TNRC6C: variants seen among roughly 807,000 people sequenced by gnomAD.
The protein encoded by TNRC6C is trinucleotide repeat-containing gene 6C protein.
TNRC6C carries 20 observed loss-of-function variants against 153.7 expected under a neutral mutation model. The observed-to-expected ratio is 0.13, with a 90% CI of 0.09 to 0.19. The LOEUF is 0.19. Ranked by LOEUF, TNRC6C falls within the 10% of genes least tolerant of loss-of-function variation. The pLI, the probability that TNRC6C is intolerant of heterozygous loss-of-function variation, is 1.00. For synonymous variants in TNRC6C, 811 were observed against 841.4 expected, an observed-to-expected ratio of 0.96 and a Z score of 0.63; for missense variants, 1,987 against 2,172.0, an observed-to-expected ratio of 0.91 and a Z score of 1.69.
intron 1 of TNRC6C, among the ~76,000 whole-genome samples, chr17:77,966,815 G>C (rs1443518829): frequency 1.3e-5 from 2 of 152,140 alleles, no homozygotes; most frequent in Non-Finnish European, 2.9e-5. Flanking sequence ...TCTTGACCTA[G>C]ATCTTATATA....
chr17:78,082,248 T>C (rs1319491939), intron 10 of TNRC6C, among the ~76,000 whole-genome samples: 1 of 151,276 alleles, frequency 6.6e-6, no homozygotes, highest in Non-Finnish European at 1.5e-5. Flanking sequence ...CCGGCATTTA[T>C]TACTAAGTTT....
At position 78,095,234 on chromosome 17, in the gene TNRC6C, C is replaced by T. The variant is rs569235270; in HGVS notation, c.4306+1471C>T. 5.9e-5 allele frequency among the ~76,000 whole-genome samples: 9 copies of T among 152,338 alleles called. No homozygotes were observed. In the South Asian group the frequency reaches 1.0e-3, roughly 18 times the overall value. On this transcript the variant is annotated intron_variant, in intron 16 of 19. Transcript: ENST00000301624. ...GGCCACTGGGAGTGGCCTCAGCCAT[C>T]GCCTGAGTGTGCCATGGTGTGAAGA...
At chr17:78,008,260 A>G (rs1035122226) in intron 1 of TNRC6C, among the ~76,000 whole-genome samples, 31 of 152,214 alleles carry the variant, frequency 2.0e-4, no homozygotes, top group Admixed American at 6.5e-4. Flanking sequence ...AACAAATTTG[A>G]AAATTAGATT....
In TNRC6C at chr17:78,049,217, G is replaced by C; in HGVS notation, c.155G>C (p.Trp52Ser). The C allele has an allele frequency of 6.2e-7, 1 of 1,612,858 alleles. No homozygotes were observed. The highest frequency in any genetic ancestry group is 8.5e-7 in the Non-Finnish European group (1 of 1,179,362). ...AGTAATGGAAGTGCGGCCAGAGTGTGGGGTGTAGCCACAGGCTCCAGCTCT... is the reference window on the plus strand; with the variant it reads ...AGTAATGGAAGTGCGGCCAGAGTGTCGGGTGTAGCCACAGGCTCCAGCTCT... Residue 52 changes from tryptophan (W) to serine (S), a missense_variant, in exon 3 of 20, where the codon TGG becomes TCG. Physicochemically the swap from Trp to Ser is radical, Grantham distance 177. This residue lies in a region of TNRC6C where 1,052 missense variants were observed against 1,017.0 expected (regional missense o/e 1.03). Coordinates refer to ENST00000301624, the Ensembl canonical transcript of TNRC6C. The surrounding 1 kb of genome is among the most constrained non-coding windows in gnomAD (Gnocchi z 4.1).
intron 3 of TNRC6C, among the ~76,000 whole-genome samples, chr17:78,061,179 G>A (rs1413196016): frequency 6.6e-6 from 1 of 152,158 alleles, no homozygotes; most frequent in Admixed American, 6.5e-5. Context: ...AAAAGCAGTA[G>A]TATTTGAAGG....
chr17:78,035,155 CT>C (rs2072154979), intron 2 of TNRC6C, among the ~76,000 whole-genome samples: 1 of 152,122 alleles, frequency 6.6e-6, no homozygotes, highest in Admixed American at 6.5e-5. Flanking sequence ...ATTCCAATGA[CT>C]TTGTTTGATT....
chr17:78,097,225 C>T (rs1037594778), intron 16 of TNRC6C, among the ~76,000 whole-genome samples: 1 of 152,018 alleles, frequency 6.6e-6, no homozygotes, highest in Non-Finnish European at 1.5e-5. Context: ...AGCCCCATCT[C>T]TTAAAAAAAA....
intron 11 of TNRC6C, among the ~76,000 whole-genome samples, chr17:78,084,002 G>A (rs1258800552): frequency 1.3e-5 from 2 of 151,960 alleles, no homozygotes; most frequent in Non-Finnish European, 2.9e-5. Context: ...ACCAGGAATC[G>A]GCCGGGCACG....
At chr17:78,030,328 G>GCA (rs1180357165) in intron 1 of TNRC6C, among the ~76,000 whole-genome samples, 1 of 148,886 alleles carries the variant, frequency 6.7e-6, no homozygotes, top group African/African-American at 2.5e-5. Flanking sequence ...GTGTGTGCGT[G>GCA]TGTGTGTGTG....
At chr17:78,020,712 C>T (rs2071815717) in intron 1 of TNRC6C, among the ~76,000 whole-genome samples, 1 of 152,158 alleles carries the variant, frequency 6.6e-6, no homozygotes. Flanking sequence ...TCCAAAATAT[C>T]GCCATTTCAA....
At chr17:78,070,908 G>A (rs1024146177) in intron 5 of TNRC6C, among the ~76,000 whole-genome samples, 177 bp from the exon 8 acceptor site, 16 of 152,146 alleles carry the variant, frequency 1.1e-4, no homozygotes, top group East Asian at 3.8e-4. Flanking sequence ...GATGCTTTCC[G>A]TAGCAGTAGC....
At chr17:78,065,055 A>G in intron 4 of TNRC6C, 118 bp downstream of exon 6, 1 of 1,225,922 alleles carries the variant, frequency 8.2e-7, no homozygotes, top group Non-Finnish European at 1.1e-6. Flanking sequence ...TTAACTACAA[A>G]CCAAGAGTCT....
At chr17:78,098,293 T>A (rs527926110) in intron 16 of TNRC6C, 50 bp from the exon 20 acceptor site, 90 of 1,511,172 alleles carry the variant, frequency 6.0e-5, no homozygotes, top group Non-Finnish European at 7.5e-5. Flanking sequence ...AGCAGTGAGT[T>A]TTCTTCTTTG....
In TNRC6C at chr17:78,073,140, T is replaced by G. The variant is rs757200842; in HGVS notation, c.2917+46T>G. 505 of 1,486,570 alleles carry G rather than the reference T, an allele frequency of 3.4e-4. 2 individuals are homozygous for G. Among genetic ancestry groups the G allele is most frequent in the Non-Finnish European group, 4.1e-4 (443 of 1,089,776 alleles). The allele number at this position is 1,486,570 out of a possible 1,614,324, so 92.1% of individuals were successfully genotyped here. On this transcript the variant is annotated intron_variant, in intron 7 of 19. Coordinates refer to ENST00000301624, the Ensembl canonical transcript of TNRC6C. ...TTTAAAAAGGTACCCAGCTGTGAAG[T>G]TTTACTTTCCAGAAGCATTTGATTG...
chr17:78,038,333 C>A (rs1028448820), intron 2 of TNRC6C, among the ~76,000 whole-genome samples: 1 of 151,984 alleles, frequency 6.6e-6, no homozygotes, highest in Non-Finnish European at 1.5e-5. Flanking sequence ...AGAATGTGAA[C>A]GGGAAGATCA....
rs77273533 is a variant in TNRC6C at position 77,963,976 on chromosome 17, A to G, written c.-38+4708A>G. Reference sequence around the variant, plus strand: ...CCTCTTTATTTGCCTCTTTGTTGCAATACTTCTTTTCTGTTGGAGAACCAC... The same window carrying G: ...CCTCTTTATTTGCCTCTTTGTTGCAGTACTTCTTTTCTGTTGGAGAACCAC... On this transcript the variant is annotated intron_variant, in intron 1 of 22. Transcript: ENST00000636222. 5.2e-3 allele frequency among the ~76,000 whole-genome samples: 784 copies of G among 152,188 alleles called. 6 individuals are homozygous for G. The highest frequency in any genetic ancestry group is 0.018 in the African/African-American group (750 of 41,504).
At chr17:78,083,557 A>T (rs1272876297) in intron 11 of TNRC6C, among the ~76,000 whole-genome samples, 4 of 152,220 alleles carry the variant, frequency 2.6e-5, no homozygotes, top group Admixed American at 1.3e-4. Flanking sequence ...ATAATTAGGC[A>T]TGTCTTTTCA....
intron 5 of TNRC6C, 67 bp from the exon 8 acceptor site, chr17:78,071,018 C>T: frequency 7.0e-7 from 1 of 1,425,918 alleles, no homozygotes; most frequent in Non-Finnish European, 9.7e-7. Flanking sequence ...AGGCTGTCTC[C>T]CATTTCTGGT....
intron 1 of TNRC6C, among the ~76,000 whole-genome samples, chr17:78,013,763 T>C (rs1337994068): frequency 2.0e-5 from 3 of 152,038 alleles, no homozygotes; most frequent in African/African-American, 2.4e-5. Context: ...CACTCCTACA[T>C]AGAGAGGGAA....
Sources: gnomAD v4.1 joint callset for allele counts (sites outside exome capture counted in the v4.1 genomes callset) on GRCh38, gnomAD v4.1.1 for gene constraint, gnomAD v4.1.1 regional missense constraint, Gnocchi (gnomAD v3.1) non-coding constraint, MANE v1.5 for transcripts, NCBI Gene and HGNC (gene_info 2026-07-23, HGNC 2026-07-21) for gene names.